Variants in PPP3CC observed in about 807,000 individuals in gnomAD.
PPP3CC encodes protein phosphatase 3 catalytic subunit gamma, also known as serine/threonine-protein phosphatase 2B catalytic subunit gamma isoform.
PPP3CC carries 35 observed loss-of-function variants against 60.3 expected under a neutral mutation model. The observed-to-expected ratio is 0.58, with a 90% CI of 0.44 to 0.77. The LOEUF (loss-of-function observed/expected upper bound fraction) is 0.77. PPP3CC is among the 30% of genes least tolerant of loss of function. PPP3CC has a pLI of 0.00. For synonymous variants in PPP3CC, 206 were observed against 224.3 expected, an observed-to-expected ratio of 0.92 and a Z score of 0.73; for missense variants, 570 against 628.9, an observed-to-expected ratio of 0.91 and a Z score of 1.00.
rs1323335412 is a variant in PPP3CC, at chr8:22,540,560, C to T, written c.1352-55C>T. The stretch of plus-strand genomic sequence containing the variant: ...GTGTGCTAAGAAACTTTTTTTAAGC[C>T]TGTTGCTTTGCTGCCTAATTGAGCT... On this transcript the variant is annotated intron_variant, in intron 13 of 13. Transcript: ENST00000240139. 5 of 1,533,764 alleles carry T rather than the reference C, an allele frequency of 3.3e-6. No homozygotes were observed. In the Admixed American group the frequency reaches 9.6e-5, roughly 29 times the overall value.
chr8:22,492,862 C>G (rs1030883937), intron 3 of PPP3CC: 3 of 1,057,824 alleles, frequency 2.8e-6, no homozygotes, highest in African/African-American at 3.1e-5. Context: ...CCAGCAAACT[C>G]TTTCACCATT....
intron 3 of PPP3CC, chr8:22,493,032 G>GA: frequency 7.4e-7 from 1 of 1,353,310 alleles, no homozygotes. Flanking sequence ...GGATGACGAT[G>GA]AAGTTCCAGC....
chr8:22,474,906 T>C (rs1368178332), intron 1 of PPP3CC, 48 bp from the exon 2 acceptor site: 1 of 1,206,472 alleles, frequency 8.3e-7, no homozygotes, highest in Admixed American at 3.0e-5. Flanking sequence ...TTCTGTTTGT[T>C]CTCTATACAT....
intron 1 of PPP3CC, 45 bp from the exon 2 acceptor site, chr8:22,474,909 C>T (rs1271524206): frequency 1.6e-6 from 2 of 1,224,784 alleles, no homozygotes; most frequent in Admixed American, 2.9e-5. Context: ...TGTTTGTTCT[C>T]TATACATTTA....
At chr8:22,466,138 T>G (rs1031354169) in intron 1 of PPP3CC, among the ~76,000 whole-genome samples, 4 of 150,520 alleles carry the variant, frequency 2.7e-5, no homozygotes, top group Non-Finnish European at 5.9e-5. Context: ...GTTTCCAGCT[T>G]CATCCATGTC....
intron 9 of PPP3CC, among the ~76,000 whole-genome samples, chr8:22,527,983 T>C (rs1309873416): frequency 1.3e-5 from 2 of 152,186 alleles, no homozygotes; most frequent in Non-Finnish European, 2.9e-5. Context: ...AATTTTAATA[T>C]ATTATGGTTT....
At chr8:22,505,336 C>G (rs969351793) in intron 4 of PPP3CC, among the ~76,000 whole-genome samples, 1 of 152,068 alleles carries the variant, frequency 6.6e-6, no homozygotes, top group African/African-American at 2.4e-5. Flanking sequence ...TTCCATGAAC[C>G]ATTTTTTTAA....
chr8:22,487,207 C>T (rs931580489), intron 3 of PPP3CC, among the ~76,000 whole-genome samples: 11 of 152,196 alleles, frequency 7.2e-5, no homozygotes, highest in South Asian at 4.1e-4. Context: ...AGATCAGATT[C>T]TCACACATGA....
intron 4 of PPP3CC, among the ~76,000 whole-genome samples, chr8:22,502,155 GA>G (rs1463774299): frequency 6.6e-6 from 1 of 152,166 alleles, no homozygotes; most frequent in East Asian, 1.9e-4. Context: ...TTCATCCACT[GA>G]AAGAGGAGTG....
chr8:22,445,113 A>G (rs1011281951), intron 1 of PPP3CC, among the ~76,000 whole-genome samples: 2 of 152,210 alleles, frequency 1.3e-5, no homozygotes, highest in African/African-American at 4.8e-5. Flanking sequence ...TTAGAATTCA[A>G]ATATATTGTG....
At chr8:22,476,525 C>T (rs554327422) in intron 3 of PPP3CC, among the ~76,000 whole-genome samples, 74 of 152,302 alleles carry the variant, frequency 4.9e-4, no homozygotes, top group Admixed American at 9.2e-4. Context: ...TCAGCTCTCT[C>T]ACCTGATGCC....
chr8:22,486,449 TTTTG>T (rs995419141), intron 3 of PPP3CC, among the ~76,000 whole-genome samples: 7 of 152,246 alleles, frequency 4.6e-5, no homozygotes, highest in East Asian at 3.9e-4. Context: ...TCTGCTGGGT[TTTTG>T]TTTGTTTGTT....
chr8:22,472,363 AACACACACAC>A (rs71546810), intron 1 of PPP3CC, among the ~76,000 whole-genome samples: 162 of 125,714 alleles, frequency 1.3e-3, no homozygotes, highest in Middle Eastern at 8.2e-3. Context: ...GGTAAAAATG[AACACACACAC>A]ACACACACAC....
At chr8:22,458,638 A>G (rs1021934058) in intron 1 of PPP3CC, among the ~76,000 whole-genome samples, 2 of 151,546 alleles carry the variant, frequency 1.3e-5, no homozygotes, top group African/African-American at 4.8e-5. Context: ...TAAATAAAAT[A>G]AAGTAAAATA....
intron 3 of PPP3CC, chr8:22,493,000 A>G: frequency 7.8e-7 from 1 of 1,279,906 alleles, no homozygotes; most frequent in Admixed American, 1.7e-5. Flanking sequence ...GTGAATGGAA[A>G]AGCACCACTT....
intron 12 of PPP3CC, among the ~76,000 whole-genome samples, chr8:22,534,734 TATAA>T (rs1839807074): frequency 1.3e-5 from 2 of 152,178 alleles, no homozygotes; most frequent in South Asian, 2.1e-4. Flanking sequence ...TATTCCGAAA[TATAA>T]ATAAATAAAC....
rs148902526 is a variant in PPP3CC at position 22,540,650 on chromosome 8, A to G, written c.1387A>G (p.Ser463Gly). 159 of 1,613,866 alleles carry G rather than the reference A, an allele frequency of 9.9e-5. 3 individuals carry two copies. The South Asian group carries it at 1.1e-3, about 11-fold the overall frequency. ...GTTCTCGCTTCAGCACAAGATCCGGAGTTTTGAAGAAGCGCGAGGTCTGGA... is the reference window on the plus strand; with the variant it reads ...GTTCTCGCTTCAGCACAAGATCCGGGGTTTTGAAGAAGCGCGAGGTCTGGA... ...RGFSLQHKIRSFEEARGLDRI... is the reference protein window; with the variant it reads ...RGFSLQHKIRGFEEARGLDRI... Residue 463 changes from serine (S) to glycine (G), a missense_variant, in exon 14 of 14, where the codon AGT (serine) becomes GGT (glycine). Ser to Gly is a moderately conservative substitution (Grantham distance 56). Coordinates refer to ENST00000240139, the MANE Select transcript of PPP3CC (RefSeq NM_005605.5).
At chr8:22,442,723 A>T (rs1836707752) in intron 1 of PPP3CC, among the ~76,000 whole-genome samples, 1 of 152,194 alleles carries the variant, frequency 6.6e-6, no homozygotes, top group Admixed American at 6.5e-5. Flanking sequence ...TATAGCCTAT[A>T]AGAAGTATAT....
intron 6 of PPP3CC, among the ~76,000 whole-genome samples, chr8:22,518,289 C>A (rs1394968668): frequency 6.6e-6 from 1 of 152,146 alleles, no homozygotes; most frequent in East Asian, 1.9e-4. Flanking sequence ...TGGTCTCGAA[C>A]TCCTGACCTA....
Sources: allele counts gnomAD v4.1 joint callset (sites outside exome capture counted in the v4.1 genomes callset), GRCh38; gene constraint gnomAD v4.1.1; transcripts MANE v1.5; gene names NCBI Gene and HGNC (gene_info 2026-07-23, HGNC 2026-07-21).